DCUN1D2: variants seen among roughly 807,000 people sequenced by gnomAD.
DCUN1D2 encodes the protein defective in cullin neddylation 1 domain containing 2.
In DCUN1D2, 29 loss-of-function variants were observed where a neutral mutation model predicts 30.9. That is an observed-to-expected ratio of 0.94 (90% CI 0.70 to 1.28). The LOEUF (loss-of-function observed/expected upper bound fraction) is 1.28. DCUN1D2 is among the 50% of genes most tolerant of loss of function. The probability of loss-of-function intolerance (pLI) is 0.00; values close to 1 mark genes in which losing one functional copy is unlikely to be tolerated. For synonymous variants in DCUN1D2, 121 were observed against 115.3 expected (o/e 1.05, Z -0.32); for missense variants, 325 against 316.9 (o/e 1.03, Z -0.19).
chr13:113,486,271 T>C (rs565603610), intron 1 of DCUN1D2, among the ~76,000 whole-genome samples: 9 of 152,146 alleles, frequency 5.9e-5, no homozygotes, highest in African/African-American at 2.2e-4. Context: ...ATGCCACATG[T>C]TCTCACTTGT....
chr13:113,486,456 T>G (rs1328868579), intron 1 of DCUN1D2, among the ~76,000 whole-genome samples: 2 of 152,104 alleles, frequency 1.3e-5, no homozygotes, highest in African/African-American at 4.8e-5. Context: ...CAGTTGACCT[T>G]TATAACAAAC....
At chr13:113,471,407 C>T (rs145905629) in intron 4 of DCUN1D2, among the ~76,000 whole-genome samples, 116 of 152,352 alleles carry the variant, frequency 7.6e-4, no homozygotes, top group African/African-American at 2.7e-3. Flanking sequence ...GACCTAACTC[C>T]AATTATATGG....
At chr13:113,461,421 T>C (rs907480108) in intron 4 of DCUN1D2, among the ~76,000 whole-genome samples, 2 of 152,236 alleles carry the variant, frequency 1.3e-5, no homozygotes, top group Non-Finnish European at 2.9e-5. Flanking sequence ...TTTTCACACA[T>C]ATTGGGTGTT....
chr13:113,474,715 T>A (rs542271704), intron 3 of DCUN1D2, among the ~76,000 whole-genome samples: 9 of 152,094 alleles, frequency 5.9e-5, no homozygotes, highest in Non-Finnish European at 4.4e-5. Context: ...GGTGACAAGA[T>A]GGCAGAGACG....
At chr13:113,471,241 G>A (rs1455237465) in intron 4 of DCUN1D2, among the ~76,000 whole-genome samples, 1 of 149,188 alleles carries the variant, frequency 6.7e-6, no homozygotes, top group African/African-American at 2.5e-5. Flanking sequence ...CAACTCCACA[G>A]AAGACCCAAC....
chr13:113,461,020 G>A (rs767252087), intron 5 of DCUN1D2, 34 bp downstream of exon 5: 2 of 1,425,362 alleles, frequency 1.4e-6, no homozygotes, highest in Non-Finnish European at 2.0e-6. Context: ...TCCCTCCACA[G>A]TGGGCACACA....
chr13:113,483,758 G>T, intron 2 of DCUN1D2, 82 bp downstream of exon 2: 1 of 1,403,152 alleles, frequency 7.1e-7, no homozygotes. Context: ...GACCTGCCCC[G>T]GCACCAGAAC....
At chr13:113,487,409 A>C (rs1350812960) in intron 1 of DCUN1D2, among the ~76,000 whole-genome samples, 1 of 152,240 alleles carries the variant, frequency 6.6e-6, no homozygotes, top group African/African-American at 2.4e-5. Flanking sequence ...GTATTGATAC[A>C]TGCCACATGG....
At chr13:113,489,246 C>A in intron 1 of DCUN1D2, 1 of 640,958 alleles carries the variant, frequency 1.6e-6, no homozygotes, top group Non-Finnish European at 1.9e-6. Flanking sequence ...ACGCTCCTCT[C>A]CAGCATCCTG....
rs2044310617 is a variant in DCUN1D2, at chr13:113,461,065, T to C, written c.592A>G (p.Thr198Ala). The change falls in exon 5 of 7, where the codon ACA becomes GCA. Residue 198 changes from threonine (T) to alanine (A), a missense_variant. Transcript: ENST00000478244. ...AGGAGGACACTTACCATTAAGAATG[T>C]GTTCCAGAGATCTAAAAATTTAAAC... ...GRFKFLDLWN[T>A]FLMEHHKRSI... 2 of 1,606,800 alleles carry C rather than the reference T, an allele frequency of 1.2e-6. No homozygotes were observed. The highest frequency in any genetic ancestry group is 1.7e-6 in the Non-Finnish European group (2 of 1,174,186).
At chr13:113,472,068 T>C (rs1318304396) in intron 4 of DCUN1D2, among the ~76,000 whole-genome samples, 1 of 143,600 alleles carries the variant, frequency 7.0e-6, no homozygotes, top group Non-Finnish European at 1.5e-5. Context: ...CTCACAGTAA[T>C]TCTACTGGTG....
intron 3 of DCUN1D2, among the ~76,000 whole-genome samples, chr13:113,477,243 C>T (rs1184356740): frequency 6.6e-6 from 1 of 152,196 alleles, no homozygotes; most frequent in African/African-American, 2.4e-5. Flanking sequence ...GGATAAAATA[C>T]TGTATTCCAA....
intron 1 of DCUN1D2, among the ~76,000 whole-genome samples, chr13:113,486,916 G>C (rs2044814419): frequency 6.6e-6 from 1 of 152,230 alleles, no homozygotes; most frequent in Admixed American, 6.5e-5. Context: ...CGTAGGCTGT[G>C]TTCCAATAAA....
At chr13:113,468,238 T>C (rs751634441) in intron 4 of DCUN1D2, among the ~76,000 whole-genome samples, 2 of 151,978 alleles carry the variant, frequency 1.3e-5, no homozygotes, top group Non-Finnish European at 2.9e-5. Context: ...TTCTGACATA[T>C]ACTACAACAA....
chr13:113,468,345 G>C (rs187640897), intron 4 of DCUN1D2, among the ~76,000 whole-genome samples: 1 of 152,146 alleles, frequency 6.6e-6, no homozygotes, highest in South Asian at 2.1e-4. Context: ...CCAGAGACCA[G>C]AAGTAGAATG....
At chr13:113,479,345 G>A (rs2044668399) in intron 3 of DCUN1D2, among the ~76,000 whole-genome samples, 1 of 152,104 alleles carries the variant, frequency 6.6e-6, no homozygotes, top group Non-Finnish European at 1.5e-5. Context: ...CTGCCTTCTT[G>A]GTGAGATAAG....
intron 4 of DCUN1D2, among the ~76,000 whole-genome samples, chr13:113,473,787 G>T (rs2044564751): frequency 6.6e-6 from 1 of 152,242 alleles, no homozygotes; most frequent in Non-Finnish European, 1.5e-5. Flanking sequence ...CCTGAGCTCA[G>T]GAGTTCGAGA....
Position 113,480,686 on chromosome 13 carries a change from A to G in DCUN1D2, c.278T>C (p.Leu93Pro). ...VDGIQQFCDD[L>P]SLDPASISVL... ...ACTGATACTGGCAGGATCCAGGCTC[A>G]GATCATCACAAAACTGTTGAATCCC... is the stretch of plus-strand genomic sequence containing the variant. The change falls in exon 3 of 7, where the codon CTG (leucine) becomes CCG (proline). Residue 93 changes from leucine (L) to proline (P), a missense_variant. Coordinates refer to ENST00000478244, the MANE Select transcript of DCUN1D2 (RefSeq NM_001014283.2). 6.2e-7 allele frequency: 1 copy of G among 1,614,178 alleles called. No individual in the cohort carries two copies. Among genetic ancestry groups the G allele is most frequent in the African/African-American group, 1.3e-5 (1 of 75,066 alleles).
At chr13:113,471,771 C>T (rs1053804784) in intron 4 of DCUN1D2, among the ~76,000 whole-genome samples, 2 of 152,124 alleles carry the variant, frequency 1.3e-5, no homozygotes, top group Non-Finnish European at 2.9e-5. Context: ...TTCAAAGGAT[C>T]GAAAAGGATT....
Sources: gnomAD v4.1 joint callset for allele counts (sites outside exome capture counted in the v4.1 genomes callset) on GRCh38, gnomAD v4.1.1 for gene constraint, MANE v1.5 for transcripts, NCBI Gene and HGNC (gene_info 2026-07-23, HGNC 2026-07-21) for gene names.